CLSTN2: variants seen among roughly 807,000 people sequenced by gnomAD.
CLSTN2 encodes the protein calsyntenin-2.
A neutral mutation model predicts 101.2 loss-of-function variants in CLSTN2; 48 were observed. That is an observed-to-expected ratio of 0.47 (90% CI 0.38 to 0.60). The LOEUF (loss-of-function observed/expected upper bound fraction) is 0.60. Among genes scored for constraint, CLSTN2 ranks in the 20% least tolerant of loss-of-function variants. The pLI is 0.00. For synonymous variants in CLSTN2, 481 were observed against 463.6 expected, an observed-to-expected ratio of 1.04 and a Z score of -0.48; for missense variants, 1,160 against 1,238.2, an observed-to-expected ratio of 0.94 and a Z score of 0.95.
At chr3:140,275,173 G>A (rs941291358) in intron 2 of CLSTN2, among the ~76,000 whole-genome samples, 1 of 152,108 alleles carries the variant, frequency 6.6e-6, no homozygotes, top group Non-Finnish European at 1.5e-5. Context: ...GCAGGACCAG[G>A]CTGAAGCCAC....
intron 1 of CLSTN2, among the ~76,000 whole-genome samples, chr3:139,936,243 C>G (rs991129524): frequency 5.3e-5 from 8 of 152,154 alleles, no homozygotes; most frequent in Admixed American, 5.2e-4. Context: ...GCCGGCGAAC[C>G]CCGGACTTTG....
chr3:139,937,904 AT>A (rs543426060), intron 1 of CLSTN2, among the ~76,000 whole-genome samples: 4 of 151,124 alleles, frequency 2.6e-5, no homozygotes, highest in East Asian at 1.9e-4. Context: ...TTTGCTGCTG[AT>A]TTTTTTTTCA....
chr3:140,168,407 G>A (rs996728872), intron 1 of CLSTN2, among the ~76,000 whole-genome samples: 5 of 152,024 alleles, frequency 3.3e-5, no homozygotes, highest in African/African-American at 1.2e-4. Context: ...ATATATTTTG[G>A]ATACAAGACC....
At chr3:140,529,690 G>C (rs1935214854) in intron 8 of CLSTN2, among the ~76,000 whole-genome samples, 1 of 152,160 alleles carries the variant, frequency 6.6e-6, no homozygotes, top group Non-Finnish European at 1.5e-5. Flanking sequence ...GAAAAACTCT[G>C]CAGGCATAAG....
Position 140,116,884 on chromosome 3 carries a change from C to G in CLSTN2, c.110-59067C>G, listed in dbSNP as rs948354957. On this transcript the variant is annotated intron_variant, in intron 1 of 16. Coordinates refer to ENST00000458420, the MANE Select transcript of CLSTN2 (RefSeq NM_022131.3). Reference sequence around the variant, plus strand: ...TTAATTATCCCACTAGCAAAGTGCACTGAGTGCTTTATCAGGTTTTCCAGG... The same window carrying G: ...TTAATTATCCCACTAGCAAAGTGCAGTGAGTGCTTTATCAGGTTTTCCAGG... 2.0e-5 allele frequency among the ~76,000 whole-genome samples: 3 copies of G among 152,166 alleles called. No individual in the cohort carries two copies. The East Asian group carries it at 5.8e-4, about 29-fold the overall frequency.
intron 2 of CLSTN2, among the ~76,000 whole-genome samples, chr3:140,382,945 G>T (rs73228952): frequency 0.1 from 15,320 of 150,424 alleles, 789 homozygotes; most frequent in Non-Finnish European, 0.12. Context: ...CATATGAATT[G>T]GGTGGGGGTG....
At chr3:140,458,282 C>T (rs958095916) in intron 6 of CLSTN2, among the ~76,000 whole-genome samples, 9 of 151,678 alleles carry the variant, frequency 5.9e-5, no homozygotes, top group Admixed American at 5.3e-4. Context: ...GTAATACACA[C>T]AACCACTGTC....
At chr3:140,324,533 A>G (rs2087313735) in intron 2 of CLSTN2, among the ~76,000 whole-genome samples, 2 of 152,128 alleles carry the variant, frequency 1.3e-5, no homozygotes, top group African/African-American at 4.8e-5. Context: ...GTTGACAGCA[A>G]TTTTTCTAGG....
Position 140,562,144 on chromosome 3 carries a change from A to G in CLSTN2, c.2048A>G (p.Lys683Arg), listed in dbSNP as rs772974510. ...APGDVKTTDP[K>R]SEVLEEMLHN... ...CATGTCTGTCTTCCTACAGACCCCAAATCAGAAGTCTTAGAGGAAATGCTT... is the reference window on the plus strand; with the variant it reads ...CATGTCTGTCTTCCTACAGACCCCAGATCAGAAGTCTTAGAGGAAATGCTT... Residue 683 changes from lysine (K) to arginine (R), a missense_variant, in exon 13 of 17, where the codon AAA (lysine) becomes AGA (arginine). By Grantham distance (26) the Lys-to-Arg change is conservative. Transcript: ENST00000458420. The G allele has an allele frequency of 1.2e-6, 2 of 1,613,894 alleles. No individual in the cohort carries two copies. The highest frequency in any genetic ancestry group is 1.1e-5 in the South Asian group (1 of 91,040).
chr3:140,187,822 C>T (rs1308623229), intron 2 of CLSTN2, among the ~76,000 whole-genome samples: 3 of 152,170 alleles, frequency 2.0e-5, no homozygotes, highest in Non-Finnish European at 2.9e-5. Context: ...TACAAGAGGG[C>T]ACTGAGCCAA....
At chr3:140,117,704 C>T (rs2009269478) in intron 1 of CLSTN2, among the ~76,000 whole-genome samples, 1 of 152,306 alleles carries the variant, frequency 6.6e-6, no homozygotes, top group East Asian at 1.9e-4. Flanking sequence ...CTTTCATAGC[C>T]ACAGACTTGT....
intron 1 of CLSTN2, among the ~76,000 whole-genome samples, chr3:140,036,954 TA>T (rs1017382161): frequency 3.0e-4 from 46 of 152,250 alleles, no homozygotes; most frequent in African/African-American, 4.8e-4. Context: ...AAGAAATACA[TA>T]AAAAAATTAA....
intron 1 of CLSTN2, among the ~76,000 whole-genome samples, chr3:140,059,084 TG>T (rs765604373): frequency 1.0e-3 from 153 of 152,370 alleles, no homozygotes; most frequent in Non-Finnish European, 2.1e-4. Flanking sequence ...TCAGATTCCC[TG>T]GGTTCAAGCC....
Position 140,171,076 on chromosome 3 carries a change from GA to G in CLSTN2, c.110-4868del, listed in dbSNP as rs202079069. On this transcript the variant is annotated intron_variant, in intron 1 of 16. Transcript: ENST00000458420. ...ACAGGCCCCTAGGTTTAATTAAGGG[GA>G]AAAAAAGATTTAATTGTTTCTCCCA... is the stretch of plus-strand genomic sequence containing the variant. Among the ~76,000 whole-genome samples, 104 of 152,094 alleles carry G rather than the reference GA, an allele frequency of 6.8e-4. No homozygotes were observed. In the East Asian group the frequency reaches 0.017, roughly 25 times the overall value.
At chr3:140,446,518 G>A (rs545470515) in intron 5 of CLSTN2, among the ~76,000 whole-genome samples, 14 of 152,062 alleles carry the variant, frequency 9.2e-5, no homozygotes, top group Non-Finnish European at 1.8e-4. Flanking sequence ...GCAGGAGGGC[G>A]GATTGTCTCC....
intron 4 of CLSTN2, among the ~76,000 whole-genome samples, chr3:140,405,377 G>A (rs770744128): frequency 9.9e-5 from 15 of 152,064 alleles, no homozygotes; most frequent in South Asian, 4.2e-4. Context: ...ACAAGCGTGC[G>A]CCACCATGCT....
chr3:140,524,046 G>A (rs1437631074), intron 8 of CLSTN2, among the ~76,000 whole-genome samples: 2 of 152,190 alleles, frequency 1.3e-5, no homozygotes, highest in African/African-American at 2.4e-5. Flanking sequence ...TAGATAAGAC[G>A]AAAGCATTAT....
At chr3:140,314,045 C>T (rs1267367518) in intron 2 of CLSTN2, among the ~76,000 whole-genome samples, 2 of 152,166 alleles carry the variant, frequency 1.3e-5, no homozygotes, top group African/African-American at 4.8e-5. Context: ...GTTTTGACAG[C>T]AGTGAACTCT....
chr3:140,547,402 A>G (rs1935616343), intron 10 of CLSTN2, among the ~76,000 whole-genome samples: 2 of 152,138 alleles, frequency 1.3e-5, no homozygotes, highest in African/African-American at 4.8e-5. Context: ...TGAACCCAGG[A>G]GGCGGAGGTT....
Sources: allele counts gnomAD v4.1 joint callset (sites outside exome capture counted in the v4.1 genomes callset), GRCh38; gene constraint gnomAD v4.1.1; transcripts MANE v1.5; gene names NCBI Gene and HGNC (gene_info 2026-07-23, HGNC 2026-07-21).